Variants in MON1B observed in about 807,000 individuals in gnomAD.
The protein encoded by MON1B is MON1 vesicular trafficking associated B, also known as vacuolar fusion protein MON1 homolog B.
In MON1B, 26 loss-of-function variants were observed where a neutral mutation model predicts 45.1. That is an observed-to-expected ratio of 0.58 (90% CI 0.42 to 0.80). MON1B has a LOEUF of 0.80. MON1B is among the 30% of genes least tolerant of loss of function. The pLI is 0.00. For missense variants in MON1B, 737 were observed against 754.5 expected, an observed-to-expected ratio of 0.98 and a Z score of 0.27; for synonymous variants, 395 against 320.2, an observed-to-expected ratio of 1.23 and a Z score of -2.49.
rs1256750207 is a variant in MON1B at position 77,202,327 on chromosome 16, G to A, written c.*4019G>A. 1 of 152,188 alleles carries A rather than the reference G, an allele frequency of 6.6e-6. No homozygotes were observed. Among genetic ancestry groups the A allele is most frequent in the Non-Finnish European group, 1.5e-5 (1 of 68,034 alleles). The allele number at this position is 152,188 out of a possible 1,614,324, so 9.4% of individuals were successfully genotyped here. A position where few individuals can be genotyped will look rare whatever the true frequency, so the allele number is the denominator to read the frequency against. ...GAAATCTGATATAAGGACAAAATGGGAGCACTGTGGCCTATTTTTACAACT... is the reference window on the plus strand; with the variant it reads ...GAAATCTGATATAAGGACAAAATGGAAGCACTGTGGCCTATTTTTACAACT... On this transcript the variant is annotated 3_prime_UTR_variant, in exon 6 of 6. Coordinates refer to ENST00000248248, the MANE Select transcript of MON1B (RefSeq NM_014940.4).
At position 77,198,604 on chromosome 16, in the gene MON1B, T is replaced by C; in HGVS notation, c.*296T>C. On this transcript the variant is annotated 3_prime_UTR_variant, in exon 6 of 6. Coordinates refer to ENST00000248248, the MANE Select transcript of MON1B (RefSeq NM_014940.4). ...TGATGCTCTAGCCTCTGTCAGGGAC[T>C]GTCCCCTCCAAACTTGCTTCCGTGG... is the stretch of plus-strand genomic sequence containing the variant. 1 of 428,918 alleles carries C rather than the reference T, an allele frequency of 2.3e-6. No homozygotes were observed. The highest frequency in any genetic ancestry group is 4.3e-6 in the Non-Finnish European group (1 of 232,180). The allele number at this position is 428,918 out of a possible 1,614,324, so 26.6% of individuals were successfully genotyped here. A position where few individuals can be genotyped will look rare whatever the true frequency, so the allele number is the denominator to read the frequency against.
chr16:77,194,871 G>T lies in MON1B; in HGVS notation c.1012G>T (p.Ala338Ser). 1.2e-6 allele frequency: 2 copies of T among 1,611,704 alleles called. No homozygotes were observed. The highest frequency in any genetic ancestry group is 1.7e-6 in the Non-Finnish European group (2 of 1,180,010). The part of the protein sequence containing the change: ...PRFNPDGFFY[A>S]YVARLDAMPV... ...CTTCAACCCTGATGGTTTTTTCTAC[G>T]CCTACGTGGCCCGCCTGGATGCTAT... is the stretch of plus-strand genomic sequence containing the variant. The change falls in exon 4 of 6, where the codon GCC becomes TCC. Residue 338 changes from alanine (A) to serine (S), a missense_variant. Ala to Ser is a moderately conservative substitution (Grantham distance 99, BLOSUM62 1). Coordinates refer to ENST00000248248, the MANE Select transcript of MON1B (RefSeq NM_014940.4). This position sits in a 1 kb window ranked among gnomAD's most constrained non-coding sequence, Gnocchi z 8.1.
chr16:77,194,834 G>T lies in MON1B; in HGVS notation c.975G>T (p.Val325=), dbSNP rs761250475. 6.2e-7 allele frequency: 1 copy of T among 1,610,720 alleles called. No individual in the cohort carries two copies. Among genetic ancestry groups the T allele is most frequent in the Non-Finnish European group, 8.5e-7 (1 of 1,180,006 alleles). The stretch of plus-strand genomic sequence containing the variant: ...CGGCGGGTGAGGCTTGGGCACCTGT[G>T]TGCCTGCCCCGCTTCAACCCTGATG... ...AFAAGEAWAP[V]CLPRFNPDGF... The change falls in exon 4 of 6, where the codon GTG becomes GTT. Residue 325 remains valine, a synonymous_variant. Coordinates refer to ENST00000248248, the MANE Select transcript of MON1B (RefSeq NM_014940.4). The surrounding 1 kb of genome is among the most constrained non-coding windows in gnomAD (Gnocchi z 8.1).
In MON1B at chr16:77,201,254, G is replaced by A. The variant is rs1190945834; in HGVS notation, c.*2946G>A. The A allele has an allele frequency of 1.3e-5, 2 of 152,078 alleles. No individual in the cohort carries two copies. Among genetic ancestry groups the A allele is most frequent in the Non-Finnish European group, 2.9e-5 (2 of 68,008 alleles). 9.4% of individuals were successfully genotyped at this position (152,078 alleles called of 1,614,324 possible). A position where few individuals can be genotyped will look rare whatever the true frequency, so the allele number is the denominator to read the frequency against. On this transcript the variant is annotated 3_prime_UTR_variant, in exon 6 of 6. Transcript: ENST00000248248. ...TGCCAGCATTCAACAAAAGACAGAC[G>A]GAAATAAGACAGATGCAAATAGATC...
Position 77,199,509 on chromosome 16 carries a change from G to A in MON1B, c.*1201G>A, listed in dbSNP as rs2054706949. ...GGCGCCAGAAGCTACTGAGGAGGCT[G>A]AAGGTAGTGAGGGCAAGTGGGCTGC... On this transcript the variant is annotated 3_prime_UTR_variant, in exon 6 of 6. Transcript: ENST00000248248. 1.3e-6 allele frequency: 2 copies of A among 1,551,408 alleles called. No individual in the cohort carries two copies. Among genetic ancestry groups the A allele is most frequent in the Admixed American group, 3.9e-5 (2 of 50,998 alleles).
rs768286234 is a variant in MON1B at position 77,194,824 on chromosome 16, G to A, written c.965G>A (p.Trp322Ter). Residue 322 changes from tryptophan to a stop codon, truncating the protein, a stop_gained, in exon 4 of 6, where the codon TGG becomes TAG. Coordinates refer to ENST00000248248, the MANE Select transcript of MON1B (RefSeq NM_014940.4). LOFTEE classifies it high-confidence loss of function. The surrounding 1 kb of genome is among the most constrained non-coding windows in gnomAD (Gnocchi z 8.1). ...GAPAFAAGEA[W>*]APVCLPRFNP... ...CCAGCCTTTGCGGCGGGTGAGGCTT[G>A]GGCACCTGTGTGCCTGCCCCGCTTC... The A allele has an allele frequency of 6.2e-7, 1 of 1,610,214 alleles. No homozygotes were observed. Among genetic ancestry groups the A allele is most frequent in the Admixed American group, 1.7e-5 (1 of 60,026 alleles).
rs767265157 is a variant in MON1B at position 77,198,192 on chromosome 16, C to T, written c.1528C>T (p.Arg510Cys). ...GAILVVTKLL[R>C]WVKKEEDRLF... is the part of the protein sequence containing the mutation. ...AATCTTGGTAGTGACCAAACTCCTGCGCTGGGTGAAGAAAGAGGAGGACCG... is the reference window on the plus strand; with the variant it reads ...AATCTTGGTAGTGACCAAACTCCTGTGCTGGGTGAAGAAAGAGGAGGACCG... The change falls in exon 6 of 6, where the codon CGC (arginine) becomes TGC (cysteine). Residue 510 changes from arginine (R) to cysteine (C), a missense_variant. Arg to Cys is a radical substitution (Grantham distance 180). Transcript: ENST00000248248. The T allele has an allele frequency of 3.1e-6, 5 of 1,614,018 alleles. No homozygotes were observed. The highest frequency in any genetic ancestry group is 1.3e-5 in the African/African-American group (1 of 74,916).
Position 77,198,599 on chromosome 16 carries a change from G to A in MON1B, c.*291G>A, listed in dbSNP as rs376574193. The A allele has an allele frequency of 4.1e-5, 18 of 440,420 alleles. No individual in the cohort carries two copies. The East Asian group carries it at 4.4e-4, about 11-fold the overall frequency. 27.3% of individuals were successfully genotyped at this position (440,420 alleles called of 1,614,324 possible). A position where few individuals can be genotyped will look rare whatever the true frequency, so the allele number is the denominator to read the frequency against. ...TTGGATGATGCTCTAGCCTCTGTCA[G>A]GGACTGTCCCCTCCAAACTTGCTTC... On this transcript the variant is annotated 3_prime_UTR_variant, in exon 6 of 6. Transcript: ENST00000248248.
chr16:77,192,797 A>G (rs150147342), intron 2 of MON1B, among the ~76,000 whole-genome samples: 236 of 152,194 alleles, frequency 1.6e-3, no homozygotes, highest in Non-Finnish European at 2.7e-3. Context: ...ATGTGGGGTC[A>G]TTGGGGTGTT....
In MON1B at chr16:77,200,234, A is replaced by ATG. The variant is rs1567422928; in HGVS notation, c.*1927_*1928insGT. ...TATATGTATGTATGTATGTGTGTGT[A>ATG]TATATATATATATGTATATGTGTAT... On this transcript the variant is annotated 3_prime_UTR_variant, in exon 6 of 6. Coordinates refer to ENST00000248248, the MANE Select transcript of MON1B (RefSeq NM_014940.4). 1.9e-4 allele frequency: 17 copies of ATG among 87,834 alleles called. No individual in the cohort carries two copies. The highest frequency in any genetic ancestry group is 8.5e-4 in the African/African-American group (16 of 18,828). 5.4% of individuals were successfully genotyped at this position (87,834 alleles called of 1,614,324 possible).
In MON1B at chr16:77,193,538, C is replaced by T. The variant is rs1567418064; in HGVS notation, c.236C>T (p.Ala79Val). 2.5e-6 allele frequency: 4 copies of T among 1,613,674 alleles called. No homozygotes were observed. The highest frequency in any genetic ancestry group is 3.4e-6 in the Non-Finnish European group (4 of 1,179,708). The change falls in exon 3 of 6, where the codon GCA becomes GTA. Residue 79 changes from alanine to valine, a missense_variant. Coordinates refer to ENST00000248248, the MANE Select transcript of MON1B (RefSeq NM_014940.4). This position sits in a 1 kb window ranked among gnomAD's most constrained non-coding sequence, Gnocchi z 5.0. ...LSSTSRLWSP[A>V]APENSPTCSP... ...AGCACCTCTCGGCTCTGGAGTCCTGCAGCCCCTGAGAATAGTCCCACATGT... is the reference window on the plus strand; with the variant it reads ...AGCACCTCTCGGCTCTGGAGTCCTGTAGCCCCTGAGAATAGTCCCACATGT...
chr16:77,193,941 C>A lies in MON1B; in HGVS notation c.475+164C>A. 1.5e-6 allele frequency: 1 copy of A among 682,460 alleles called. No homozygotes were observed. Among genetic ancestry groups the A allele is most frequent in the Non-Finnish European group, 2.4e-6 (1 of 411,448 alleles). The allele number at this position is 682,460 out of a possible 1,614,324, so 42.3% of individuals were successfully genotyped here. A position where few individuals can be genotyped will look rare whatever the true frequency, so the allele number is the denominator to read the frequency against. On this transcript the variant is annotated intron_variant, in intron 3 of 5. Transcript: ENST00000248248. This position sits in a 1 kb window ranked among gnomAD's most constrained non-coding sequence, Gnocchi z 5.0. ...AGTGGCGGGAGGTGGGGGGGTTCAT[C>A]TCTGTCTGGCCTGCTGGTTTCTTAG...
Position 77,194,212 on chromosome 16 carries a change from G to T in MON1B, c.476-123G>T. Reference sequence around the variant, plus strand: ...CCTTACCCCAGTCCAGGTGCCCACAGAGTGAGCATGTGGACTCGGGCCTGG... The same window carrying T: ...CCTTACCCCAGTCCAGGTGCCCACATAGTGAGCATGTGGACTCGGGCCTGG... On this transcript the variant is annotated intron_variant, in intron 3 of 5. Transcript: ENST00000248248. This position sits in a 1 kb window ranked among gnomAD's most constrained non-coding sequence, Gnocchi z 8.1. The T allele has an allele frequency of 1.1e-6, 1 of 879,836 alleles. No homozygotes were observed. The highest frequency in any genetic ancestry group is 2.4e-5 in the East Asian group (1 of 41,394). The allele number at this position is 879,836 out of a possible 1,614,324, so 54.5% of individuals were successfully genotyped here. A position where few individuals can be genotyped will look rare whatever the true frequency, so the allele number is the denominator to read the frequency against.
chr16:77,197,319 C>T (rs2054674816), intron 5 of MON1B, among the ~76,000 whole-genome samples: 1 of 152,166 alleles, frequency 6.6e-6, no homozygotes, highest in Non-Finnish European at 1.5e-5. Flanking sequence ...TCGCTTGAAC[C>T]TGGCAGGCGG....
Position 77,193,060 on chromosome 16 carries a change from GA to G in MON1B, c.149-385del, listed in dbSNP as rs1219311404. Reference sequence around the variant, plus strand: ...GCCATTGGGTGAGCAGATATCAGGAGAAAAAATAGCGGTCAGAGGAGTTAAT... The same window carrying G: ...GCCATTGGGTGAGCAGATATCAGGAGAAAAATAGCGGTCAGAGGAGTTAAT... On this transcript the variant is annotated intron_variant, in intron 2 of 5. Coordinates refer to ENST00000248248, the MANE Select transcript of MON1B (RefSeq NM_014940.4). This position sits in a 1 kb window ranked among gnomAD's most constrained non-coding sequence, Gnocchi z 5.0. Among the ~76,000 whole-genome samples, 2 of 151,958 alleles carry G rather than the reference GA, an allele frequency of 1.3e-5. No homozygotes were observed. Among genetic ancestry groups the G allele is most frequent in the African/African-American group, 4.8e-5 (2 of 41,328 alleles).
In MON1B at chr16:77,193,091, G is replaced by T. The variant is rs1352277757; in HGVS notation, c.149-360G>T. On this transcript the variant is annotated intron_variant, in intron 2 of 5. Transcript: ENST00000248248. This position sits in a 1 kb window ranked among gnomAD's most constrained non-coding sequence, Gnocchi z 5.0. ...ATAGCGGTCAGAGGAGTTAATGGGGGATCATTGAAGATGAATAATCGTCAT... is the reference window on the plus strand; with the variant it reads ...ATAGCGGTCAGAGGAGTTAATGGGGTATCATTGAAGATGAATAATCGTCAT... Among the ~76,000 whole-genome samples the T allele has an allele frequency of 6.6e-6, 1 of 152,058 alleles. No homozygotes were observed. The highest frequency in any genetic ancestry group is 2.4e-5 in the African/African-American group (1 of 41,366).
chr16:77,192,860 G>A (rs192541538), intron 2 of MON1B, among the ~76,000 whole-genome samples: 6 of 152,182 alleles, frequency 3.9e-5, no homozygotes, highest in Non-Finnish European at 7.4e-5. Flanking sequence ...AAATATCTGG[G>A]TGTTAGTGGA....
chr16:77,191,661 A>G (rs1166519375), intron 2 of MON1B, 28 bp downstream of exon 2: 3 of 1,598,312 alleles, frequency 1.9e-6, no homozygotes, highest in Non-Finnish European at 2.6e-6. Flanking sequence ...GGGGTCTTAA[A>G]AGGAATCCTT....
chr16:77,193,633 C>T lies in MON1B; in HGVS notation c.331C>T (p.His111Tyr). 1 of 1,614,128 alleles carries T rather than the reference C, an allele frequency of 6.2e-7. No individual in the cohort carries two copies. Among genetic ancestry groups the T allele is most frequent in the Non-Finnish European group, 8.5e-7 (1 of 1,179,990 alleles). ...TGAGGAGTGGCGCAGCCAGCGGAAGCATGTGTTTGTGCTGAGTGAGGCTGG... is the reference window on the plus strand; with the variant it reads ...TGAGGAGTGGCGCAGCCAGCGGAAGTATGTGTTTGTGCTGAGTGAGGCTGG... ...SDEEWRSQRK[H>Y]VFVLSEAGKP... Residue 111 changes from histidine (H) to tyrosine (Y), a missense_variant, in exon 3 of 6, where the codon CAT becomes TAT. Transcript: ENST00000248248. This position sits in a 1 kb window ranked among gnomAD's most constrained non-coding sequence, Gnocchi z 5.0.
Sources: allele counts gnomAD v4.1 joint callset (sites outside exome capture counted in the v4.1 genomes callset), GRCh38; gene constraint gnomAD v4.1.1; non-coding constraint Gnocchi (gnomAD v3.1); transcripts MANE v1.5; gene names NCBI Gene and HGNC (gene_info 2026-07-23, HGNC 2026-07-21).